The following ITPK1 variants were observed in gnomAD, a reference collection of about 807,000 sequenced individuals.
ITPK1 encodes inositol 1,3,4-trisphosphate 5/6-kinase.
In ITPK1, 21 loss-of-function variants were observed where a neutral mutation model predicts 45.3. That is an observed-to-expected ratio of 0.46 (90% CI 0.33 to 0.67). The LOEUF (loss-of-function observed/expected upper bound fraction) is 0.67, where lower values mean the gene tolerates loss of function less well. Among genes scored for constraint, ITPK1 ranks in the 30% least tolerant of loss-of-function variants. The pLI is 0.02. For missense variants in ITPK1, 474 were observed against 573.5 expected (o/e 0.83, Z 1.77); for synonymous variants, 258 against 253.6 (o/e 1.02, Z -0.16).
At chr14:93,009,507 C>T (rs137914763) in intron 4 of ITPK1, among the ~76,000 whole-genome samples, 2,782 of 152,310 alleles carry the variant, frequency 0.018, 66 homozygotes, top group Admixed American at 0.076. Context: ...CAAGGGGAAG[C>T]AACTGCAACG....
chr14:93,096,635 GAGA>G (rs1417575083), intron 2 of ITPK1, among the ~76,000 whole-genome samples: 3 of 152,216 alleles, frequency 2.0e-5, no homozygotes, highest in Non-Finnish European at 4.4e-5. Context: ...GCAGCACAAG[GAGA>G]AGGAGAGAGC....
At chr14:93,071,451 A>C (rs1890999462) in intron 3 of ITPK1, 1 of 152,254 alleles carries the variant, frequency 6.6e-6, no homozygotes. Flanking sequence ...AAACCCCCAC[A>C]AAATAAATGT....
intron 3 of ITPK1, among the ~76,000 whole-genome samples, chr14:93,031,151 C>A (rs1889031680): frequency 6.6e-6 from 1 of 152,136 alleles, no homozygotes; most frequent in South Asian, 2.1e-4. Context: ...GAATCCAAGG[C>A]CTCTCTAAGG....
chr14:93,115,303 G>A lies in ITPK1; in HGVS notation c.-140C>T, dbSNP rs913511710. 7.2e-6 allele frequency: 3 copies of A among 414,770 alleles called. No individual in the cohort carries two copies. The highest frequency in any genetic ancestry group is 8.4e-6 in the Non-Finnish European group (2 of 237,842). The allele number at this position is 414,770 out of a possible 1,614,324, so 25.7% of individuals were successfully genotyped here. On this transcript the variant is annotated splice_region_variant and 5_prime_UTR_variant, in exon 2 of 11. Transcript: ENST00000267615. ...ACGGGGATCGGAGCTGGGGCGCGCAGTCCTGCCGCGCGGAGCGGAGCGGGG... is the reference window on the plus strand; with the variant it reads ...ACGGGGATCGGAGCTGGGGCGCGCAATCCTGCCGCGCGGAGCGGAGCGGGG...
chr14:92,956,030 G>C (rs1224768458), intron 8 of ITPK1, among the ~76,000 whole-genome samples: 1 of 152,152 alleles, frequency 6.6e-6, no homozygotes, highest in Non-Finnish European at 1.5e-5. Context: ...GGGATGGAGA[G>C]ACACACTAAC....
chr14:93,115,137 T>C lies in ITPK1; in HGVS notation c.27A>G (p.Arg9=), dbSNP rs1199779749. 13 of 1,600,862 alleles carry C rather than the reference T, an allele frequency of 8.1e-6. No homozygotes were observed. The highest frequency in any genetic ancestry group is 1.1e-5 in the Non-Finnish European group (13 of 1,174,800). Residue 9 remains arginine (R), a synonymous_variant, in exon 2 of 11, where the codon AGA becomes AGG. Coordinates refer to ENST00000267615, the MANE Select transcript of ITPK1 (RefSeq NM_014216.6). MQTFLKGK[R]VGYWLSEKKI... is the part of the protein sequence containing the mutation. ...TCTTCTCGCTCAGCCAGTAGCCAAC[T>C]CTCTTCCCTTTCAGAAAGGTCTGCA...
chr14:93,043,456 A>C (rs1595163759), intron 3 of ITPK1, among the ~76,000 whole-genome samples: 2 of 152,142 alleles, frequency 1.3e-5, no homozygotes, highest in Non-Finnish European at 2.9e-5. Context: ...TCAACCCATC[A>C]GGCACTCTTT....
rs1471711261 is a variant in ITPK1, at chr14:93,109,492, A to G, written c.95+5577T>C. 1.3e-5 allele frequency among the ~76,000 whole-genome samples: 2 copies of G among 152,266 alleles called. 1 individual carries two copies. The highest frequency in any genetic ancestry group is 3.8e-4 in the East Asian group (2 of 5,208). On this transcript the variant is annotated intron_variant, in intron 2 of 10. Transcript: ENST00000267615. ...AATATTCAAAAAGATACAGAAAACAATAAATGTTAGCTAGTAATAGTAACA... is the reference window on the plus strand; with the variant it reads ...AATATTCAAAAAGATACAGAAAACAGTAAATGTTAGCTAGTAATAGTAACA...
intron 4 of ITPK1, among the ~76,000 whole-genome samples, chr14:93,001,157 G>C (rs1887331153): frequency 1.3e-5 from 2 of 151,650 alleles, no homozygotes; most frequent in African/African-American, 2.4e-5. Context: ...GCCGGGCATG[G>C]TGGTGGGCGC....
chr14:93,077,682 G>T (rs541520423), intron 2 of ITPK1, among the ~76,000 whole-genome samples: 1 of 152,276 alleles, frequency 6.6e-6, no homozygotes, highest in East Asian at 1.9e-4. Flanking sequence ...CTGGCACACA[G>T]GGCTTTCTCC....
At chr14:93,030,752 T>C (rs1566745125) in intron 3 of ITPK1, among the ~76,000 whole-genome samples, 1 of 152,186 alleles carries the variant, frequency 6.6e-6, no homozygotes, top group African/African-American at 2.4e-5. Context: ...TCCTAACCCC[T>C]AGTACCTCAG....
At chr14:92,956,960 C>T (rs887677027) in intron 8 of ITPK1, among the ~76,000 whole-genome samples, 1 of 152,168 alleles carries the variant, frequency 6.6e-6, no homozygotes, top group Non-Finnish European at 1.5e-5. Flanking sequence ...GGGAGCCACA[C>T]GCCCAGCTAG....
rs148232284 is a variant in ITPK1 at position 93,056,533 on chromosome 14, C to A, written c.120+20062G>T. 1.2e-3 allele frequency among the ~76,000 whole-genome samples: 178 copies of A among 152,284 alleles called. 1 individual carries two copies. Among genetic ancestry groups the A allele is most frequent in the African/African-American group, 4.2e-3 (175 of 41,556 alleles). ...AGAATTAGGAGACCTCAGCAGTGCA[C>A]CCCCAAGGGAAGAGGGACCAAGAGG... On this transcript the variant is annotated intron_variant, in intron 3 of 10. Transcript: ENST00000267615.
chr14:93,114,622 C>A (rs1042237200), intron 2 of ITPK1, among the ~76,000 whole-genome samples: 2 of 152,200 alleles, frequency 1.3e-5, no homozygotes, highest in Non-Finnish European at 2.9e-5. Context: ...GCCGAGCACA[C>A]GCGGGGCACA....
chr14:93,073,142 C>T (rs888834345), intron 3 of ITPK1, among the ~76,000 whole-genome samples: 1 of 152,246 alleles, frequency 6.6e-6, no homozygotes, highest in African/African-American at 2.4e-5. Context: ...TAACTCAGTC[C>T]TCACAATGGT....
chr14:92,940,386 C>G lies in ITPK1; in HGVS notation c.*1175G>C. The G allele has an allele frequency of 2.0e-6, 2 of 1,022,120 alleles. No homozygotes were observed. The highest frequency in any genetic ancestry group is 2.3e-6 in the Non-Finnish European group (2 of 851,346). The allele number at this position is 1,022,120 out of a possible 1,614,324, so 63.3% of individuals were successfully genotyped here. A position where few individuals can be genotyped will look rare whatever the true frequency, so the allele number is the denominator to read the frequency against. On this transcript the variant is annotated 3_prime_UTR_variant, in exon 11 of 11. Transcript: ENST00000267615. The stretch of plus-strand genomic sequence containing the variant: ...GGGGCTGCCTGGATCAGGGGTCAGA[C>G]GGCAGAGCCAGTGCTTTGCTGCCAA...
At chr14:92,985,696 G>A (rs1886455710) in intron 5 of ITPK1, among the ~76,000 whole-genome samples, 2 of 151,986 alleles carry the variant, frequency 1.3e-5, no homozygotes, top group Non-Finnish European at 2.9e-5. Context: ...GTCTCATGGG[G>A]GTCACTGCAA....
intron 6 of ITPK1, 136 bp from the exon 7 acceptor site, chr14:92,962,531 G>T (rs112432686): frequency 2.6e-6 from 2 of 762,882 alleles, no homozygotes; most frequent in East Asian, 2.6e-5. Context: ...TGAGGGTGAC[G>T]TGTGGGTAGA....
rs559339318 is a variant in ITPK1, at chr14:92,974,785, T to G, written c.365-11936A>C. Among the ~76,000 whole-genome samples the G allele has an allele frequency of 1.8e-3, 270 of 150,156 alleles. 1 individual carries two copies. The highest frequency in any genetic ancestry group is 2.9e-3 in the Non-Finnish European group (195 of 66,464). On this transcript the variant is annotated intron_variant, in intron 5 of 10. Coordinates refer to ENST00000267615, the MANE Select transcript of ITPK1 (RefSeq NM_014216.6). Reference sequence around the variant, plus strand: ...AAAAGGCCCATGGGGCCTGGGTCACTGAAAGGCAGCCTGGAGTGAGTCTTC... The same window carrying G: ...AAAAGGCCCATGGGGCCTGGGTCACGGAAAGGCAGCCTGGAGTGAGTCTTC...
Sources: gnomAD v4.1 joint callset for allele counts (sites outside exome capture counted in the v4.1 genomes callset) on GRCh38, gnomAD v4.1.1 for gene constraint, MANE v1.5 for transcripts, NCBI Gene and HGNC (gene_info 2026-07-23, HGNC 2026-07-21) for gene names.